METTL24: variants seen among roughly 807,000 people sequenced by gnomAD.
METTL24 encodes the protein probable methyltransferase-like protein 24.
Under a neutral mutation model 32.7 loss-of-function variants are expected in METTL24, and 29 were observed. The observed-to-expected ratio is 0.89, with a 90% CI of 0.66 to 1.21. The LOEUF (loss-of-function observed/expected upper bound fraction) is 1.21. Among genes scored for constraint, METTL24 ranks in the 50% most tolerant of loss-of-function variants. The probability of loss-of-function intolerance (pLI) is 0.00; values close to 1 mark genes in which losing one functional copy is unlikely to be tolerated. For synonymous variants in METTL24, 163 were observed against 179.5 expected (o/e 0.91, Z 0.73); for missense variants, 439 against 468.1 (o/e 0.94, Z 0.57).
intron 4 of METTL24, among the ~76,000 whole-genome samples, chr6:110,278,631 C>T (rs1193507213): frequency 6.6e-6 from 1 of 152,194 alleles, no homozygotes; most frequent in Non-Finnish European, 1.5e-5. Flanking sequence ...CTGCCTTGGA[C>T]ACTGCTTAAA....
chr6:110,302,542 CACACACATATGTGTATATATACACACAT>C (rs1771543183), intron 3 of METTL24, among the ~76,000 whole-genome samples: 5 of 103,248 alleles, frequency 4.8e-5, no homozygotes, highest in African/African-American at 6.1e-5. Flanking sequence ...TACACATATA[CACACACATATGTGTATATATACACACAT>C]ACACACACAT....
chr6:110,352,516 T>C (rs957116016), intron 1 of METTL24, among the ~76,000 whole-genome samples: 4 of 152,194 alleles, frequency 2.6e-5, no homozygotes, highest in Non-Finnish European at 5.9e-5. Context: ...GTCTAGATTA[T>C]AAGGCTCTTA....
intron 4 of METTL24, among the ~76,000 whole-genome samples, chr6:110,277,683 A>G (rs1379488309): frequency 1.3e-5 from 2 of 152,160 alleles, no homozygotes; most frequent in African/African-American, 2.4e-5. Context: ...GGCTGTCCCA[A>G]CAAACCTTCT....
chr6:110,347,930 A>G lies in METTL24; in HGVS notation c.318+10025T>C, dbSNP rs1161653295. 7.9e-5 allele frequency among the ~76,000 whole-genome samples: 12 copies of G among 152,366 alleles called. No homozygotes were observed. In the East Asian group the frequency reaches 1.9e-3, roughly 24 times the overall value. Reference sequence around the variant, plus strand: ...TTATGGCTAGCTTTTATTTCAGATTAAAAAGAAAAATTCCAACTCCTCTGA... The same window carrying G: ...TTATGGCTAGCTTTTATTTCAGATTGAAAAGAAAAATTCCAACTCCTCTGA... On this transcript the variant is annotated intron_variant, in intron 1 of 4. Coordinates refer to ENST00000338882, the MANE Select transcript of METTL24 (RefSeq NM_001123364.3).
intron 4 of METTL24, among the ~76,000 whole-genome samples, chr6:110,281,661 A>C (rs2114717742): frequency 6.6e-6 from 1 of 151,948 alleles, no homozygotes. Context: ...AAAAAAAAAA[A>C]AGGAGCGGGG....
intron 1 of METTL24, among the ~76,000 whole-genome samples, chr6:110,353,767 C>T (rs950104321): frequency 2.0e-5 from 3 of 151,888 alleles, no homozygotes; most frequent in African/African-American, 7.3e-5. Context: ...CAAATGGGCC[C>T]TGTATGTTGC....
intron 4 of METTL24, among the ~76,000 whole-genome samples, chr6:110,280,511 T>A (rs1262774167): frequency 6.6e-6 from 1 of 152,150 alleles, no homozygotes; most frequent in Non-Finnish European, 1.5e-5. Flanking sequence ...GTAGATGAAA[T>A]GTTTAATACT....
At chr6:110,337,822 T>C (rs1216800741) in intron 1 of METTL24, among the ~76,000 whole-genome samples, 2 of 152,226 alleles carry the variant, frequency 1.3e-5, no homozygotes, top group Admixed American at 6.5e-5. Context: ...TTCAAGCCTC[T>C]ACTATGTGCA....
intron 4 of METTL24, among the ~76,000 whole-genome samples, chr6:110,298,460 G>A (rs1055047087): frequency 6.6e-6 from 1 of 152,108 alleles, no homozygotes; most frequent in Non-Finnish European, 1.5e-5. Context: ...TATATTTTCT[G>A]TGTAGAGCCT....
chr6:110,256,794 C>T (rs542481795), intron 4 of METTL24, among the ~76,000 whole-genome samples: 8 of 152,312 alleles, frequency 5.3e-5, no homozygotes, highest in Admixed American at 2.6e-4. Flanking sequence ...TTTATGCACA[C>T]GACACTTAGC....
chr6:110,258,630 T>C (rs147439602), intron 4 of METTL24, among the ~76,000 whole-genome samples: 466 of 152,196 alleles, frequency 3.1e-3, no homozygotes, highest in African/African-American at 0.011. Context: ...TTCTGGGTTA[T>C]GGAAGATTAG....
intron 1 of METTL24, among the ~76,000 whole-genome samples, chr6:110,325,042 C>T (rs920293173): frequency 6.6e-6 from 1 of 152,242 alleles, no homozygotes; most frequent in Non-Finnish European, 1.5e-5. Flanking sequence ...ACACAAATGC[C>T]TCCAGTCCTG....
intron 4 of METTL24, among the ~76,000 whole-genome samples, chr6:110,254,802 A>G (rs576505464): frequency 6.6e-6 from 1 of 152,320 alleles, no homozygotes; most frequent in East Asian, 1.9e-4. Context: ...TTTTTAGTCT[A>G]CTGGTGAAAA....
rs59522006 is a variant in METTL24 at position 110,268,605 on chromosome 6, A to G, written c.787-22345T>C. Among the ~76,000 whole-genome samples the G allele has an allele frequency of 3.3e-5, 5 of 152,274 alleles. No homozygotes were observed. In the East Asian group the frequency reaches 9.6e-4, roughly 29 times the overall value. ...AAGACACACACATTTCAGCAGTTGT[A>G]GCTCACTACATCATCAGAACTAGTG... On this transcript the variant is annotated intron_variant, in intron 4 of 4. Transcript: ENST00000338882.
chr6:110,300,181 T>C (rs571446665), intron 3 of METTL24, among the ~76,000 whole-genome samples: 1 of 152,252 alleles, frequency 6.6e-6, no homozygotes, highest in Admixed American at 6.5e-5. Flanking sequence ...TGCAGGAGCC[T>C]ACTGATATGA....
At chr6:110,264,537 G>A (rs1214173980) in intron 4 of METTL24, among the ~76,000 whole-genome samples, 4 of 152,312 alleles carry the variant, frequency 2.6e-5, no homozygotes, top group African/African-American at 2.4e-5. Flanking sequence ...CTGCAAACTA[G>A]CTCAACCATT....
At chr6:110,281,757 A>G (rs1231715986) in intron 4 of METTL24, among the ~76,000 whole-genome samples, 2 of 150,996 alleles carry the variant, frequency 1.3e-5, no homozygotes, top group Non-Finnish European at 3.0e-5. Flanking sequence ...ATTCCTGAGC[A>G]CTTAGTTCAG....
intron 4 of METTL24, among the ~76,000 whole-genome samples, chr6:110,248,683 A>T (rs1778216991): frequency 6.6e-6 from 1 of 151,958 alleles, no homozygotes; most frequent in South Asian, 2.1e-4. Context: ...CATGCCTGTA[A>T]TCCCAGCAGG....
At chr6:110,322,474 C>A (rs1771945673) in intron 2 of METTL24, among the ~76,000 whole-genome samples, 1 of 152,214 alleles carries the variant, frequency 6.6e-6, no homozygotes, top group South Asian at 2.1e-4. Flanking sequence ...ACCAATCTGT[C>A]ATTTCAAATG....
Sources: gnomAD v4.1 joint callset for allele counts (sites outside exome capture counted in the v4.1 genomes callset) on GRCh38, gnomAD v4.1.1 for gene constraint, MANE v1.5 for transcripts, NCBI Gene and HGNC (gene_info 2026-07-23, HGNC 2026-07-21) for gene names.